TGIF2: variants seen among roughly 807,000 people sequenced by gnomAD.
TGIF2 encodes the protein TGFB induced factor homeobox 2.
In TGIF2, 5 loss-of-function variants were observed where a neutral mutation model predicts 15.1. The ratio of observed to expected loss-of-function variants is 0.33; its 90% CI spans 0.17 to 0.70. The LOEUF is 0.70. Among genes scored for constraint, TGIF2 ranks in the 30% least tolerant of loss-of-function variants. TGIF2 has a pLI of 0.67. For missense variants in TGIF2, 264 were observed against 302.5 expected (o/e 0.87, Z 0.94); for synonymous variants, 131 against 128.9 (o/e 1.02, Z -0.11).
rs139049157 is a variant in TGIF2 at position 36,578,634 on chromosome 20, A to T, written c.-34-107A>T. 2.1e-4 allele frequency: 262 copies of T among 1,248,010 alleles called. No homozygotes were observed. In the African/African-American group the frequency reaches 3.3e-3, roughly 16 times the overall value. The allele number at this position is 1,248,010 out of a possible 1,614,324, so 77.3% of individuals were successfully genotyped here. A position where few individuals can be genotyped will look rare whatever the true frequency, so the allele number is the denominator to read the frequency against. On this transcript the variant is annotated intron_variant, in intron 1 of 2. Transcript: ENST00000373872. Reference sequence around the variant, plus strand: ...CGGCCTGAGATTCTGAATTGCAACTACCCCATTTCTGGTGTCCCAGGCTCA... The same window carrying T: ...CGGCCTGAGATTCTGAATTGCAACTTCCCCATTTCTGGTGTCCCAGGCTCA...
chr20:36,580,225 G>A (rs1600771564), intron 2 of TGIF2, among the ~76,000 whole-genome samples: 2 of 151,958 alleles, frequency 1.3e-5, no homozygotes, highest in African/African-American at 2.4e-5. Flanking sequence ...AACCTCCCAC[G>A]TCTTCCTAGC....
intron 1 of TGIF2, chr20:36,574,475 CCCCCTCCCCT>C (rs1173968009): frequency 5.4e-5 from 8 of 148,756 alleles, no homozygotes; most frequent in Non-Finnish European, 1.2e-4. Flanking sequence ...GGGAGCCCAG[CCCCCTCCCCT>C]CCCTTCCCCT....
rs1400147070 is a variant in TGIF2, at chr20:36,592,629, G to A, written c.*1198G>A. ...GAAAGCAGGAATGGTGTCCACTGCT[G>A]CGGAGGAACTGCCTTCAGAGAAGGT... is the stretch of plus-strand genomic sequence containing the variant. On this transcript the variant is annotated 3_prime_UTR_variant, in exon 3 of 3. Coordinates refer to ENST00000373872, the MANE Select transcript of TGIF2 (RefSeq NM_021809.7). 2.0e-5 allele frequency: 3 copies of A among 152,538 alleles called. No homozygotes were observed. The highest frequency in any genetic ancestry group is 4.4e-5 in the Non-Finnish European group (3 of 68,072). The allele number at this position is 152,538 out of a possible 1,614,324, so 9.4% of individuals were successfully genotyped here.
At chr20:36,579,584 A>G (rs1166860573) in intron 2 of TGIF2, among the ~76,000 whole-genome samples, 1 of 152,184 alleles carries the variant, frequency 6.6e-6, no homozygotes, top group Non-Finnish European at 1.5e-5. Flanking sequence ...TCTAGGATTC[A>G]GCCCCCAGCC....
Position 36,586,427 on chromosome 20 carries a change from T to A in TGIF2, c.193-4483T>A, listed in dbSNP as rs140595338. Among the ~76,000 whole-genome samples the A allele has an allele frequency of 1.2e-3, 181 of 152,228 alleles. 2 individuals carry two copies. The East Asian group carries it at 0.031, about 26-fold the overall frequency. ...AAATCTCTCCCAGGCTGGGTGTGGT[T>A]GCTCTGCCTGTAATCCCAGCACTTT... On this transcript the variant is annotated intron_variant, in intron 2 of 2. Transcript: ENST00000373872.
chr20:36,584,391 G>C lies in TGIF2; in HGVS notation c.192+5425G>C, dbSNP rs566732629. 1.1e-3 allele frequency among the ~76,000 whole-genome samples: 171 copies of C among 152,236 alleles called. 2 individuals carry two copies. The highest frequency in any genetic ancestry group is 0.011 in the Admixed American group (166 of 15,276). On this transcript the variant is annotated intron_variant, in intron 2 of 2. Coordinates refer to ENST00000373872, the MANE Select transcript of TGIF2 (RefSeq NM_021809.7). ...GTAGCATAGTGCTTGGTATCTGGTA[G>C]GTAGGTGCTCAGTAAATAATGTTGA... is the stretch of plus-strand genomic sequence containing the variant.
intron 2 of TGIF2, among the ~76,000 whole-genome samples, chr20:36,586,879 G>T (rs995213258): frequency 1.3e-5 from 2 of 152,170 alleles, no homozygotes; most frequent in African/African-American, 2.4e-5. Flanking sequence ...ATTAGCTGCT[G>T]CTCCCAGCAT....
chr20:36,590,012 T>G (rs1911556403), intron 2 of TGIF2, among the ~76,000 whole-genome samples: 1 of 152,142 alleles, frequency 6.6e-6, no homozygotes, highest in African/African-American at 2.4e-5. Context: ...TGGAGTGCAC[T>G]GGCATTATCA....
rs371990676 is a variant in TGIF2, at chr20:36,578,905, C to T, written c.131C>T (p.Ala44Val). The T allele has an allele frequency of 6.2e-7, 1 of 1,614,182 alleles. No homozygotes were observed. The highest frequency in any genetic ancestry group is 8.5e-7 in the Non-Finnish European group (1 of 1,180,038). The change falls in exon 2 of 3, where the codon GCC becomes GTC. Residue 44 changes from alanine to valine, a missense_variant. By Grantham distance (64) the Ala-to-Val change is moderately conservative. Transcript: ENST00000373872. ...RDWLYLHRYN[A>V]YPSEQEKLSL... is the part of the protein sequence containing the mutation. Reference sequence around the variant, plus strand: ...TGGCTGTACTTGCACCGCTACAACGCCTACCCCTCAGAGCAGGAGAAGCTG... The same window carrying T: ...TGGCTGTACTTGCACCGCTACAACGTCTACCCCTCAGAGCAGGAGAAGCTG...
chr20:36,575,662 C>T (rs1270776062), intron 1 of TGIF2, among the ~76,000 whole-genome samples: 1 of 152,108 alleles, frequency 6.6e-6, no homozygotes. Context: ...GAGATCTGGG[C>T]TCGGGTCCAA....
chr20:36,581,411 C>T (rs2147927277), intron 2 of TGIF2, among the ~76,000 whole-genome samples: 1 of 152,146 alleles, frequency 6.6e-6, no homozygotes, highest in Admixed American at 6.5e-5. Context: ...TTATTTTGAA[C>T]ACAAAAGCCC....
rs186773572 is a variant in TGIF2, at chr20:36,588,683, T to A, written c.193-2227T>A. Reference sequence around the variant, plus strand: ...GAGCCAGGGCCCCTCCTGGCTGGAATGGAATGGGAGAGAAGGGCCACAGAA... The same window carrying A: ...GAGCCAGGGCCCCTCCTGGCTGGAAAGGAATGGGAGAGAAGGGCCACAGAA... On this transcript the variant is annotated intron_variant, in intron 2 of 2. Coordinates refer to ENST00000373872, the MANE Select transcript of TGIF2 (RefSeq NM_021809.7). Among the ~76,000 whole-genome samples the A allele has an allele frequency of 8.5e-5, 13 of 152,066 alleles. No individual in the cohort carries two copies. In the East Asian group the frequency reaches 2.5e-3, roughly 29 times the overall value.
At chr20:36,580,179 G>A (rs1393006691) in intron 2 of TGIF2, among the ~76,000 whole-genome samples, 1 of 152,048 alleles carries the variant, frequency 6.6e-6, no homozygotes, top group East Asian at 1.9e-4. Flanking sequence ...TCCAACCTTT[G>A]ATGCTGTCTC....
chr20:36,578,591 C>A (rs1044678621), intron 1 of TGIF2, 150 bp from the exon 2 acceptor site: 2 of 843,584 alleles, frequency 2.4e-6, no homozygotes, highest in Admixed American at 6.3e-5. Context: ...TCCCTTCTAG[C>A]TTGCTCGGTC....
At chr20:36,583,691 GTT>G (rs2038592860) in intron 2 of TGIF2, among the ~76,000 whole-genome samples, 1 of 152,120 alleles carries the variant, frequency 6.6e-6, no homozygotes, top group African/African-American at 2.4e-5. Flanking sequence ...GAGGTCAGGA[GTT>G]TGAGGCCAGC....
chr20:36,573,685 C>G lies in TGIF2; in HGVS notation c.-95C>G, dbSNP rs937265301. On this transcript the variant is annotated 5_prime_UTR_variant, in exon 1 of 3. Transcript: ENST00000373872. ...GCGCGCGCCCCCGGCGCCCCCCGCT[C>G]CCCGCCGGGACGCCCCGCGCCGAGC... 9 of 151,908 alleles carry G rather than the reference C, an allele frequency of 5.9e-5. No homozygotes were observed. Among genetic ancestry groups the G allele is most frequent in the African/African-American group, 2.2e-4 (9 of 41,346 alleles). 9.4% of individuals were successfully genotyped at this position (151,908 alleles called of 1,614,324 possible).
intron 2 of TGIF2, among the ~76,000 whole-genome samples, chr20:36,588,357 T>C (rs1307377975): frequency 3.7e-5 from 1 of 27,148 alleles, no homozygotes; most frequent in African/African-American, 1.5e-4. Flanking sequence ...CCTTCCTTCT[T>C]TTTTTTTTTT....
At position 36,593,477 on chromosome 20, in the gene TGIF2, GCTT is replaced by G. The variant is rs2038801305; in HGVS notation, c.*2051_*2053del. On this transcript the variant is annotated 3_prime_UTR_variant, in exon 3 of 3. Coordinates refer to ENST00000373872, the MANE Select transcript of TGIF2 (RefSeq NM_021809.7). ...GGGCTCTCTGTGTTGCCTCCCTCTGGCTTCTTCCTCCCGTGCCCTCTCCCCGTG... is the reference window on the plus strand; with the variant it reads ...GGGCTCTCTGTGTTGCCTCCCTCTGGCTTCCTCCCGTGCCCTCTCCCCGTG... The G allele has an allele frequency of 6.6e-6, 1 of 152,504 alleles. No individual in the cohort carries two copies. Among genetic ancestry groups the G allele is most frequent in the Non-Finnish European group, 1.5e-5 (1 of 68,270 alleles). The allele number at this position is 152,504 out of a possible 1,614,324, so 9.4% of individuals were successfully genotyped here. A position where few individuals can be genotyped will look rare whatever the true frequency, so the allele number is the denominator to read the frequency against.
At position 36,583,725 on chromosome 20, in the gene TGIF2, C is replaced by T. The variant is rs1173307100; in HGVS notation, c.192+4759C>T. On this transcript the variant is annotated intron_variant, in intron 2 of 2. Transcript: ENST00000373872. ...CAGCCTGGCCAACATGGCGAAACCCCGTCTCTACTAAAAATACAAAAATTA... is the reference window on the plus strand; with the variant it reads ...CAGCCTGGCCAACATGGCGAAACCCTGTCTCTACTAAAAATACAAAAATTA... Among the ~76,000 whole-genome samples, 11 of 152,208 alleles carry T rather than the reference C, an allele frequency of 7.2e-5. No homozygotes were observed. In the East Asian group the frequency reaches 7.7e-4, roughly 11 times the overall value.
Sources: allele counts gnomAD v4.1 joint callset (sites outside exome capture counted in the v4.1 genomes callset), GRCh38; gene constraint gnomAD v4.1.1; transcripts MANE v1.5; gene names NCBI Gene and HGNC (gene_info 2026-07-23, HGNC 2026-07-21).